Variants in FMNL2 observed in about 807,000 individuals in gnomAD.
FMNL2 encodes formin like 2, also known as formin-like protein 2.
In FMNL2, 51 loss-of-function variants were observed where a neutral mutation model predicts 130.2. The observed-to-expected ratio is 0.39, with a 90% CI of 0.31 to 0.49. FMNL2 has a LOEUF of 0.49. Ranked by LOEUF, FMNL2 falls within the 20% of genes least tolerant of loss-of-function variation. The probability of loss-of-function intolerance (pLI) is 0.85; values close to 1 mark genes in which losing one functional copy is unlikely to be tolerated. For synonymous variants in FMNL2, 465 were observed against 467.1 expected (o/e 1.00, Z 0.06); for missense variants, 977 against 1,316.2 (o/e 0.74, Z 3.99).
At chr2:152,453,027 C>A (rs557991680) in intron 1 of FMNL2, among the ~76,000 whole-genome samples, 2 of 152,232 alleles carry the variant, frequency 1.3e-5, no homozygotes, top group African/African-American at 4.8e-5. Flanking sequence ...CATGGTGAAA[C>A]CCTGTCTCTA....
chr2:152,558,149 G>A (rs931621413), intron 4 of FMNL2, among the ~76,000 whole-genome samples: 2 of 152,220 alleles, frequency 1.3e-5, no homozygotes, highest in African/African-American at 4.8e-5. Flanking sequence ...CGGCCTTGAT[G>A]ATAGTATGCG....
chr2:152,643,824 CTTT>C (rs2105979125), intron 25 of FMNL2: 1 of 985,414 alleles, frequency 1.0e-6, no homozygotes, highest in Admixed American at 6.1e-5. Context: ...AAGAGCACTT[CTTT>C]GAGAATCAGT....
At chr2:152,389,758 C>T (rs139235256) in intron 1 of FMNL2, among the ~76,000 whole-genome samples, 7 of 152,326 alleles carry the variant, frequency 4.6e-5, no homozygotes, top group African/African-American at 1.7e-4. Context: ...CGTGCAGGAG[C>T]TTGTGAACAC....
intron 9 of FMNL2, among the ~76,000 whole-genome samples, chr2:152,590,955 C>T (rs998496646): frequency 1.5e-5 from 2 of 131,512 alleles, no homozygotes; most frequent in African/African-American, 5.5e-5. Context: ...CCCTCTTGTG[C>T]AGAGTTAGAT....
intron 25 of FMNL2, 146 bp downstream of exon 25, chr2:152,641,060 C>G (rs535220160): frequency 9.6e-7 from 1 of 1,043,534 alleles, no homozygotes; most frequent in East Asian, 2.6e-5. Flanking sequence ...TGCAGAGAGG[C>G]TTTGAAGTCC....
chr2:152,614,377 C>A (rs1465162048), intron 11 of FMNL2, among the ~76,000 whole-genome samples: 1 of 152,230 alleles, frequency 6.6e-6, no homozygotes, highest in East Asian at 1.9e-4. Flanking sequence ...CTTAGGCAGT[C>A]ACTCCATAAT....
intron 1 of FMNL2, among the ~76,000 whole-genome samples, chr2:152,367,998 C>G (rs77188028): frequency 6.6e-6 from 1 of 152,106 alleles, no homozygotes; most frequent in Non-Finnish European, 1.5e-5. Context: ...AGCCAGTCTA[C>G]GTATTAACAA....
chr2:152,392,268 G>T (rs1403354934), intron 1 of FMNL2, among the ~76,000 whole-genome samples: 5 of 152,108 alleles, frequency 3.3e-5, no homozygotes, highest in African/African-American at 1.2e-4. Flanking sequence ...TCCTGATTTA[G>T]TGGATGATTT....
chr2:152,388,594 G>A (rs2105918587), intron 1 of FMNL2, among the ~76,000 whole-genome samples: 1 of 152,032 alleles, frequency 6.6e-6, no homozygotes, highest in South Asian at 2.1e-4. Context: ...ATTTGGGTGG[G>A]GACACAGCCA....
intron 21 of FMNL2, among the ~76,000 whole-genome samples, chr2:152,635,392 T>G (rs1364148602): frequency 6.6e-6 from 1 of 152,268 alleles, no homozygotes; most frequent in Non-Finnish European, 1.5e-5. Flanking sequence ...TTGTCTTCAC[T>G]GCTTTACAAC....
At chr2:152,609,639 T>C (rs1698573281) in intron 10 of FMNL2, among the ~76,000 whole-genome samples, 1 of 152,236 alleles carries the variant, frequency 6.6e-6, no homozygotes, top group African/African-American at 2.4e-5. Context: ...AGATGATTTT[T>C]ATTTTTTTAT....
chr2:152,535,516 T>G lies in FMNL2; in HGVS notation c.202-7223T>G, dbSNP rs75725050. ...ATCTCAGAGATGAGATTTAATACTT[T>G]GCAATTGAATTTATTTCTTTTTGTG... is the stretch of plus-strand genomic sequence containing the variant. On this transcript the variant is annotated intron_variant, in intron 2 of 25. Coordinates refer to ENST00000288670, the MANE Select transcript of FMNL2 (RefSeq NM_052905.4). 1.9e-3 allele frequency among the ~76,000 whole-genome samples: 295 copies of G among 152,358 alleles called. 2 individuals carry two copies. The highest frequency in any genetic ancestry group is 6.6e-3 in the African/African-American group (275 of 41,590).
At chr2:152,391,344 TAA>T (rs1177158686) in intron 1 of FMNL2, among the ~76,000 whole-genome samples, 2 of 152,178 alleles carry the variant, frequency 1.3e-5, no homozygotes. Context: ...CAAACACAGA[TAA>T]AAGACAATTT....
intron 1 of FMNL2, among the ~76,000 whole-genome samples, chr2:152,461,330 T>C (rs1365032474): frequency 6.7e-6 from 1 of 150,148 alleles, no homozygotes; most frequent in African/African-American, 2.5e-5. Context: ...ATGTAATCAA[T>C]ATAAAGATTA....
At position 152,534,548 on chromosome 2, in the gene FMNL2, T is replaced by A. The variant is rs117173879; in HGVS notation, c.202-8191T>A. Among the ~76,000 whole-genome samples, 1,174 of 145,944 alleles carry A rather than the reference T, an allele frequency of 8.0e-3. 40 individuals are homozygous for A. In the East Asian group the frequency reaches 0.1, roughly 12 times the overall value. ...TGCCTAATGGTTTCTACAAGAACTC[T>A]TAAGGCTTATTTTGTCTTTTTTTTT... On this transcript the variant is annotated intron_variant, in intron 2 of 25. Coordinates refer to ENST00000288670, the MANE Select transcript of FMNL2 (RefSeq NM_052905.4).
At chr2:152,572,306 T>C (rs895803600) in intron 6 of FMNL2, among the ~76,000 whole-genome samples, 2 of 152,182 alleles carry the variant, frequency 1.3e-5, no homozygotes, top group Admixed American at 1.3e-4. Flanking sequence ...GCATAAACAA[T>C]AGGTACTTAG....
At chr2:152,378,133 TTAAAATA>T (rs1457402291) in intron 1 of FMNL2, among the ~76,000 whole-genome samples, 1 of 123,600 alleles carries the variant, frequency 8.1e-6, no homozygotes, top group Admixed American at 8.1e-5. Context: ...AAAAAAAAAG[TTAAAATA>T]TAAATTCAGC....
At chr2:152,383,273 CTTTTTTTT>C (rs35206829) in intron 1 of FMNL2, among the ~76,000 whole-genome samples, 1 of 97,600 alleles carries the variant, frequency 1.0e-5, no homozygotes, top group African/African-American at 3.8e-5. Context: ...TCCGTTAATC[CTTTTTTTT>C]TTTTTTTTTT....
chr2:152,448,762 A>G (rs1253618616), intron 1 of FMNL2, among the ~76,000 whole-genome samples: 1 of 152,224 alleles, frequency 6.6e-6, no homozygotes, highest in Non-Finnish European at 1.5e-5. Flanking sequence ...CAGTGAGGTA[A>G]GAAAAACATT....
Sources: allele counts gnomAD v4.1 joint callset (sites outside exome capture counted in the v4.1 genomes callset), GRCh38; gene constraint gnomAD v4.1.1; transcripts MANE v1.5; gene names NCBI Gene and HGNC (gene_info 2026-07-23, HGNC 2026-07-21).